The following TRPM3 variants were observed in gnomAD, a reference collection of about 807,000 sequenced individuals.
TRPM3 encodes the protein long transient receptor potential channel 3.
In TRPM3, 77 loss-of-function variants were observed where a neutral mutation model predicts 181.2. The observed-to-expected ratio is 0.42, with a 90% confidence interval of 0.35 to 0.51. The LOEUF (loss-of-function observed/expected upper bound fraction) is 0.51. Ranked by LOEUF, TRPM3 falls within the 20% of genes least tolerant of loss-of-function variation. The pLI is 0.01. For synonymous variants in TRPM3, 745 were observed against 796.4 expected (o/e 0.94, Z 1.09); for missense variants, 1,759 against 2,196.7 (o/e 0.80, Z 3.98).
In TRPM3 at chr9:71,146,172, G is replaced by T. The variant is rs963122074; in HGVS notation, c.184-281661C>A. 7.2e-5 allele frequency among the ~76,000 whole-genome samples: 11 copies of T among 152,260 alleles called. 1 individual carries two copies. The highest frequency in any genetic ancestry group is 6.2e-4 in the South Asian group (3 of 4,828). On this transcript the variant is annotated intron_variant, in intron 1 of 24. Transcript: ENST00000357533. ...TGTTTTATCTTGTAGATACTCCTTA[G>T]ACGTTCCTTCGTTTTTAATGTGGGT...
chr9:71,256,987 A>C (rs189033861), intron 1 of TRPM3, among the ~76,000 whole-genome samples: 1 of 152,340 alleles, frequency 6.6e-6, no homozygotes. Flanking sequence ...CATTCTGATA[A>C]ATCTTACAAC....
chr9:71,295,331 G>C (rs1039289926), intron 1 of TRPM3, among the ~76,000 whole-genome samples: 4 of 151,622 alleles, frequency 2.6e-5, no homozygotes, highest in South Asian at 2.1e-4. Flanking sequence ...TACTATTGTA[G>C]AATGAGAGCT....
intron 16 of TRPM3, among the ~76,000 whole-genome samples, chr9:70,619,406 CTTT>C (rs1170887633): frequency 2.9e-3 from 234 of 81,428 alleles, no homozygotes; most frequent in Non-Finnish European, 3.9e-3. Context: ...TCGTCGTCTT[CTTT>C]TTTTTTTTTT....
intron 1 of TRPM3, among the ~76,000 whole-genome samples, chr9:71,387,948 T>A (rs1443899040): frequency 6.6e-6 from 1 of 152,198 alleles, no homozygotes; most frequent in African/African-American, 2.4e-5. Flanking sequence ...TATTTCTACA[T>A]CATCTACATT....
At chr9:70,864,343 G>T in intron 2 of TRPM3, 89 bp downstream of exon 2, 1 of 859,476 alleles carries the variant, frequency 1.2e-6, no homozygotes, top group Non-Finnish European at 1.7e-6. Flanking sequence ...ATTTGACAGT[G>T]TTTCCCTTGT....
intron 1 of TRPM3, among the ~76,000 whole-genome samples, chr9:71,333,590 C>T (rs987853376): frequency 6.6e-6 from 1 of 151,924 alleles, no homozygotes; most frequent in African/African-American, 2.4e-5. Flanking sequence ...GATCAACATC[C>T]TCTAAGGAAC....
At chr9:70,674,724 ATTTT>A (rs67630432) in intron 9 of TRPM3, among the ~76,000 whole-genome samples, 1 of 97,890 alleles carries the variant, frequency 1.0e-5, no homozygotes, top group Non-Finnish European at 1.9e-5. Flanking sequence ...TATTCAGGCT[ATTTT>A]TTTTTTTTTT....
In TRPM3 at chr9:71,102,722, T is replaced by G. The variant is rs147345514; in HGVS notation, c.177+18456A>C. 2.0e-5 allele frequency among the ~76,000 whole-genome samples: 3 copies of G among 152,338 alleles called. No individual in the cohort carries two copies. The East Asian group carries it at 5.8e-4, about 29-fold the overall frequency. On this transcript the variant is annotated intron_variant, in intron 1 of 25. Transcript: ENST00000677713. ...TTAGTTGTTTCACACACTGCTTTCT[T>G]GAATATCTGGTATGTTCTTCTACTA...
At chr9:70,936,291 AAACAAAAC>A (rs1174337880) in intron 1 of TRPM3, among the ~76,000 whole-genome samples, 1 of 152,208 alleles carries the variant, frequency 6.6e-6, no homozygotes, top group South Asian at 2.1e-4. Flanking sequence ...AGGATTTTTA[AAACAAAAC>A]AACAAAACAA....
At chr9:71,012,407 GTT>G (rs11449061) in intron 1 of TRPM3, among the ~76,000 whole-genome samples, 3 of 140,750 alleles carry the variant, frequency 2.1e-5, no homozygotes. Flanking sequence ...CTTTATAGTT[GTT>G]TTTTTTTTTT....
chr9:71,160,033 C>T (rs2076202639), intron 1 of TRPM3, among the ~76,000 whole-genome samples: 1 of 152,144 alleles, frequency 6.6e-6, no homozygotes, highest in African/African-American at 2.4e-5. Context: ...AACCCCACTA[C>T]ACATCAGTTT....
chr9:71,187,787 A>G (rs952912748), intron 1 of TRPM3, among the ~76,000 whole-genome samples: 2 of 151,848 alleles, frequency 1.3e-5, no homozygotes, highest in African/African-American at 4.8e-5. Flanking sequence ...AGAATATATG[A>G]TCATATATAT....
chr9:71,358,683 T>A (rs998110757), intron 1 of TRPM3, among the ~76,000 whole-genome samples: 2 of 152,104 alleles, frequency 1.3e-5, no homozygotes, highest in Non-Finnish European at 2.9e-5. Flanking sequence ...GTTAGGAAAC[T>A]AGAAAGAACA....
intron 1 of TRPM3, among the ~76,000 whole-genome samples, chr9:71,252,847 C>CTCTCTTTT (rs1554854926): frequency 1.2e-5 from 1 of 84,754 alleles, no homozygotes; most frequent in Non-Finnish European, 2.1e-5. Context: ...AATTTTGTCT[C>CTCTCTTTT]TTTTTTTTTT....
At chr9:70,794,983 A>G (rs2086630442) in intron 6 of TRPM3, among the ~76,000 whole-genome samples, 1 of 152,180 alleles carries the variant, frequency 6.6e-6, no homozygotes, top group Non-Finnish European at 1.5e-5. Flanking sequence ...ACATACAGAC[A>G]TTTTTCTTTG....
intron 1 of TRPM3, among the ~76,000 whole-genome samples, chr9:71,405,247 A>G (rs913658468): frequency 2.0e-5 from 3 of 152,230 alleles, no homozygotes; most frequent in Admixed American, 6.5e-5. Flanking sequence ...GCACTTGCTT[A>G]CTTACTATAT....
chr9:70,851,437 T>G (rs1449847682), intron 3 of TRPM3, among the ~76,000 whole-genome samples: 1 of 152,234 alleles, frequency 6.6e-6, no homozygotes, highest in Admixed American at 6.5e-5. Flanking sequence ...TGGTAATAAA[T>G]AAATGCATTT....
At chr9:70,654,230 T>C (rs1471234394) in intron 9 of TRPM3, among the ~76,000 whole-genome samples, 1 of 152,158 alleles carries the variant, frequency 6.6e-6, no homozygotes, top group South Asian at 2.1e-4. Flanking sequence ...GTTGTTTTTA[T>C]AGGTAAATGA....
At chr9:71,434,312 A>G (rs2094000621) in intron 1 of TRPM3, among the ~76,000 whole-genome samples, 1 of 152,204 alleles carries the variant, frequency 6.6e-6, no homozygotes, top group Non-Finnish European at 1.5e-5. Context: ...GGAGCCCTCA[A>G]GAATGGGATT....
Sources: allele counts gnomAD v4.1 joint callset (sites outside exome capture counted in the v4.1 genomes callset), GRCh38; gene constraint gnomAD v4.1.1; transcripts MANE v1.5; gene names NCBI Gene and HGNC (gene_info 2026-07-23, HGNC 2026-07-21).